COMMD1: variants seen among roughly 807,000 people sequenced by gnomAD.
The protein encoded by COMMD1 is COMM domain-containing protein 1.
COMMD1 carries 10 observed loss-of-function variants against 17.2 expected under a neutral mutation model. That is an observed-to-expected ratio of 0.58 (90% CI 0.36 to 0.99). The LOEUF (loss-of-function observed/expected upper bound fraction) is 0.99, where lower values mean the gene tolerates loss of function less well. COMMD1 is among the 50% of genes least tolerant of loss of function. COMMD1 has a pLI of 0.01. For missense variants in COMMD1, 270 were observed against 231.8 expected (o/e 1.17, Z -1.07); for synonymous variants, 97 against 91.6 (o/e 1.06, Z -0.34).
chr2:62,028,008 T>A (rs915439833), intron 2 of COMMD1, among the ~76,000 whole-genome samples: 1 of 152,148 alleles, frequency 6.6e-6, no homozygotes, highest in Non-Finnish European at 1.5e-5. Flanking sequence ...AGTTCCTGAT[T>A]TTTATAGTCC....
chr2:61,974,385 T>C (rs971336071), intron 1 of COMMD1, among the ~76,000 whole-genome samples: 1 of 151,658 alleles, frequency 6.6e-6, no homozygotes, highest in African/African-American at 2.4e-5. Flanking sequence ...CTATTAATAT[T>C]TTTTTTGGCC....
At chr2:62,069,465 A>G (rs1423760237) in intron 2 of COMMD1, 1 of 152,206 alleles carries the variant, frequency 6.6e-6, no homozygotes, top group African/African-American at 2.4e-5. Context: ...GATTAGGGCC[A>G]GGCACTTTAT....
chr2:61,911,865 TACTC>T (rs1669916309), intron 1 of COMMD1, among the ~76,000 whole-genome samples: 1 of 152,210 alleles, frequency 6.6e-6, no homozygotes, highest in Admixed American at 6.6e-5. Flanking sequence ...ATCTTACCCT[TACTC>T]ACTTCTCTGA....
chr2:62,033,402 A>G (rs1382838585), intron 2 of COMMD1, among the ~76,000 whole-genome samples: 4 of 152,190 alleles, frequency 2.6e-5, no homozygotes, highest in African/African-American at 9.7e-5. Context: ...TTTGGAATGA[A>G]AATGTTGAAT....
intron 1 of COMMD1, among the ~76,000 whole-genome samples, chr2:61,973,058 C>G (rs1477470173): frequency 6.6e-6 from 1 of 151,904 alleles, no homozygotes; most frequent in Non-Finnish European, 1.5e-5. Context: ...TATTATTGTT[C>G]AATTTTGGTG....
chr2:61,969,611 G>A (rs191600919), intron 1 of COMMD1, among the ~76,000 whole-genome samples: 2 of 152,170 alleles, frequency 1.3e-5, no homozygotes, highest in African/African-American at 4.8e-5. Flanking sequence ...GTTAGTTCTT[G>A]GTAGCTTTAT....
chr2:62,130,254 A>G (rs1428306589), intron 2 of COMMD1, among the ~76,000 whole-genome samples: 1 of 150,610 alleles, frequency 6.6e-6, no homozygotes, highest in Non-Finnish European at 1.5e-5. Context: ...TATGAAACAT[A>G]GCCAGCTTTA....
intron 2 of COMMD1, among the ~76,000 whole-genome samples, chr2:62,074,413 G>A (rs1671282605): frequency 6.6e-6 from 1 of 152,124 alleles, no homozygotes; most frequent in African/African-American, 2.4e-5. Flanking sequence ...CTCCCTGGGG[G>A]CCCACAATGA....
chr2:61,969,186 A>G (rs962103779), intron 1 of COMMD1: 1 of 178,754 alleles, frequency 5.6e-6, no homozygotes, highest in Non-Finnish European at 1.2e-5. Context: ...GAGCTTTATA[A>G]AATACTTATT....
At chr2:62,070,653 A>AC (rs1671175029) in intron 2 of COMMD1, among the ~76,000 whole-genome samples, 2 of 152,170 alleles carry the variant, frequency 1.3e-5, no homozygotes, top group African/African-American at 4.8e-5. Flanking sequence ...CCTGATCCAG[A>AC]CCCCAAAAGG....
intron 2 of COMMD1, among the ~76,000 whole-genome samples, chr2:62,068,243 T>C (rs1297360882): frequency 1.3e-5 from 2 of 152,204 alleles, no homozygotes. Flanking sequence ...CTGTATGTGT[T>C]GAGGGGAGCA....
At chr2:61,935,032 C>T (rs1312491085) in intron 1 of COMMD1, among the ~76,000 whole-genome samples, 1 of 152,186 alleles carries the variant, frequency 6.6e-6, no homozygotes, top group Non-Finnish European at 1.5e-5. Flanking sequence ...CAGTGAACTT[C>T]CCGAGTGGCC....
At chr2:62,125,776 T>A (rs1048835884) in intron 2 of COMMD1, among the ~76,000 whole-genome samples, 1 of 152,220 alleles carries the variant, frequency 6.6e-6, no homozygotes, top group African/African-American at 2.4e-5. Flanking sequence ...TTTTAATTTT[T>A]ATTTTAAGTT....
intron 2 of COMMD1, among the ~76,000 whole-genome samples, chr2:62,044,199 T>C (rs1670315997): frequency 6.6e-6 from 1 of 152,216 alleles, no homozygotes; most frequent in Non-Finnish European, 1.5e-5. Context: ...TTATAATCAA[T>C]TTGTTTATTC....
intron 2 of COMMD1, among the ~76,000 whole-genome samples, chr2:62,065,338 CTTTTTT>C (rs57243558): frequency 4.5e-5 from 2 of 44,378 alleles, no homozygotes; most frequent in Non-Finnish European, 8.7e-5. Flanking sequence ...TATGTACTTA[CTTTTTT>C]TTTTTTTTTT....
intron 2 of COMMD1, among the ~76,000 whole-genome samples, chr2:62,035,390 A>C (rs1670011226): frequency 6.6e-6 from 1 of 152,158 alleles, no homozygotes; most frequent in Non-Finnish European, 1.5e-5. Flanking sequence ...TCCCAGTTCT[A>C]TGTTTGTGTG....
At chr2:61,906,779 T>TA (rs1187026092) in intron 1 of COMMD1, among the ~76,000 whole-genome samples, 2 of 152,174 alleles carry the variant, frequency 1.3e-5, no homozygotes, top group African/African-American at 4.8e-5. Flanking sequence ...ACACCCATGG[T>TA]AAAGATTTAA....
At chr2:62,043,961 A>AT (rs1181204214) in intron 2 of COMMD1, among the ~76,000 whole-genome samples, 1 of 152,060 alleles carries the variant, frequency 6.6e-6, no homozygotes, top group Non-Finnish European at 1.5e-5. Context: ...CTGTCATAGG[A>AT]TTTTTGTTAT....
At chr2:62,055,564 A>C in intron 2 of COMMD1, 1 of 418,544 alleles carries the variant, frequency 2.4e-6, no homozygotes, top group East Asian at 7.1e-5. Flanking sequence ...CCCTGCATTA[A>C]AAGACAAGCC....
Sources: allele counts gnomAD v4.1 joint callset (sites outside exome capture counted in the v4.1 genomes callset), GRCh38; gene constraint gnomAD v4.1.1; transcripts MANE v1.5; gene names NCBI Gene and HGNC (gene_info 2026-07-23, HGNC 2026-07-21).